GRM7: variants seen among roughly 807,000 people sequenced by gnomAD.
GRM7 encodes the protein metabotropic glutamate receptor 7.
GRM7 carries 35 observed loss-of-function variants against 84.5 expected under a neutral mutation model. The ratio of observed to expected loss-of-function variants is 0.41; its 90% CI spans 0.32 to 0.55. GRM7 has a LOEUF of 0.55. Among genes scored for constraint, GRM7 ranks in the 20% least tolerant of loss-of-function variants. GRM7 has a pLI of 0.19. For synonymous variants in GRM7, 487 were observed against 455.1 expected, an observed-to-expected ratio of 1.07 and a Z score of -0.89; for missense variants, 1,003 against 1,194.6, an observed-to-expected ratio of 0.84 and a Z score of 2.36.
chr3:6,972,354 G>C (rs1188675722), intron 1 of GRM7, among the ~76,000 whole-genome samples: 1 of 152,098 alleles, frequency 6.6e-6, no homozygotes, highest in Non-Finnish European at 1.5e-5. Flanking sequence ...AGAGAGTTCT[G>C]ATTGTCCGTG....
intron 9 of GRM7, chr3:7,694,525 C>T (rs79413220): frequency 0.019 from 3,875 of 207,114 alleles, 110 homozygotes; most frequent in East Asian, 0.09. Flanking sequence ...GAAATATCAA[C>T]ACATCTCCTG....
chr3:6,891,999 A>C (rs1189048399), intron 1 of GRM7, among the ~76,000 whole-genome samples: 1 of 151,978 alleles, frequency 6.6e-6, no homozygotes, highest in Non-Finnish European at 1.5e-5. Context: ...TCCATCACTG[A>C]TACCCTTTCT....
At chr3:6,996,567 C>T (rs1195109492) in intron 1 of GRM7, among the ~76,000 whole-genome samples, 7 of 152,144 alleles carry the variant, frequency 4.6e-5, no homozygotes, top group African/African-American at 1.2e-4. Flanking sequence ...TAAAAACATG[C>T]TTCTTTTGGG....
intron 1 of GRM7, among the ~76,000 whole-genome samples, chr3:7,129,913 A>G (rs565141469): frequency 1.3e-5 from 2 of 152,324 alleles, no homozygotes; most frequent in East Asian, 3.9e-4. Context: ...GAGTCTTTAA[A>G]ATTTTGAAAT....
Position 7,248,084 on chromosome 3 carries a change from C to G in GRM7, c.737-50600C>G, listed in dbSNP as rs372230094. On this transcript the variant is annotated intron_variant, in intron 2 of 9. Coordinates refer to ENST00000357716, the MANE Select transcript of GRM7 (RefSeq NM_000844.4). The stretch of plus-strand genomic sequence containing the variant: ...GATAGTTTTTTATAAAGTTAATCAC[C>G]TATCTGGTTGGTAACCCAGAAATTA... Among the ~76,000 whole-genome samples, 91 of 152,284 alleles carry G rather than the reference C, an allele frequency of 6.0e-4. 5 individuals are homozygous for G. The South Asian group carries it at 0.014, about 24-fold the overall frequency.
At chr3:7,153,133 A>ATTT (rs34465661) in intron 2 of GRM7, among the ~76,000 whole-genome samples, 1,084 of 103,316 alleles carry the variant, frequency 0.01, 28 homozygotes, top group African/African-American at 0.037. Flanking sequence ...GGTACTGTGG[A>ATTT]TTTTTTTTTT....
At chr3:7,708,301 A>C (rs938773199) in intron 9 of GRM7, among the ~76,000 whole-genome samples, 3 of 152,066 alleles carry the variant, frequency 2.0e-5, no homozygotes, top group African/African-American at 7.2e-5. Context: ...ATGTAAGGTT[A>C]ATATACAGAA....
intron 4 of GRM7, among the ~76,000 whole-genome samples, chr3:7,324,996 C>T (rs1187143799): frequency 1.3e-5 from 2 of 152,186 alleles, no homozygotes; most frequent in Non-Finnish European, 2.9e-5. Context: ...CTAGCACTTT[C>T]TCAGTTGGGC....
At chr3:7,390,705 G>T (rs1271182634) in intron 4 of GRM7, among the ~76,000 whole-genome samples, 8 of 151,956 alleles carry the variant, frequency 5.3e-5, no homozygotes, top group Non-Finnish European at 1.5e-5. Flanking sequence ...CAGAAGTTCT[G>T]TTTAGCTCTT....
intron 1 of GRM7, among the ~76,000 whole-genome samples, chr3:6,878,175 T>C (rs1158248961): frequency 1.3e-5 from 2 of 152,234 alleles, no homozygotes; most frequent in Non-Finnish European, 2.9e-5. Flanking sequence ...AATTTCTCTT[T>C]GTATTTACAT....
chr3:6,893,584 A>G (rs572613821), intron 1 of GRM7, among the ~76,000 whole-genome samples: 14 of 152,288 alleles, frequency 9.2e-5, no homozygotes, highest in Admixed American at 7.2e-4. Flanking sequence ...TAGGTGCTCA[A>G]TAAGATGGAG....
intron 4 of GRM7, among the ~76,000 whole-genome samples, chr3:7,382,049 T>TA (rs1269984317): frequency 2.6e-5 from 4 of 152,014 alleles, no homozygotes; most frequent in Non-Finnish European, 4.4e-5. Context: ...CTGTACCAGA[T>TA]AAAAAAAACC....
intron 7 of GRM7, among the ~76,000 whole-genome samples, chr3:7,560,745 C>T (rs1490332599): frequency 6.6e-6 from 1 of 152,146 alleles, no homozygotes; most frequent in Non-Finnish European, 1.5e-5. Flanking sequence ...CAGATCACAG[C>T]TTAAGAATCA....
At chr3:7,651,901 A>G (rs1559465488) in intron 8 of GRM7, among the ~76,000 whole-genome samples, 6 of 152,194 alleles carry the variant, frequency 3.9e-5, no homozygotes, top group Admixed American at 3.3e-4. Context: ...AGCTGCACAC[A>G]TACAGCTCAA....
At chr3:7,430,088 C>T (rs755112912) in intron 5 of GRM7, among the ~76,000 whole-genome samples, 15 of 152,010 alleles carry the variant, frequency 9.9e-5, no homozygotes, top group Non-Finnish European at 2.2e-4. Flanking sequence ...AATTCAAGGC[C>T]AGCATGGATA....
At chr3:7,429,259 C>T (rs1462193318) in intron 5 of GRM7, among the ~76,000 whole-genome samples, 3 of 151,976 alleles carry the variant, frequency 2.0e-5, no homozygotes, top group Admixed American at 6.6e-5. Context: ...ATGTAAAGTG[C>T]TTAGTCCAAT....
intron 2 of GRM7, among the ~76,000 whole-genome samples, chr3:7,222,240 G>A (rs1696830147): frequency 6.6e-6 from 1 of 152,122 alleles, no homozygotes; most frequent in Non-Finnish European, 1.5e-5. Flanking sequence ...TTCTCAAGAT[G>A]TCACCCCAAG....
At chr3:6,905,225 G>A (rs548702809) in intron 1 of GRM7, among the ~76,000 whole-genome samples, 15 of 152,158 alleles carry the variant, frequency 9.9e-5, no homozygotes, top group Non-Finnish European at 1.9e-4. Flanking sequence ...TTAGTGTTAC[G>A]TTGTCTCATC....
chr3:7,710,117 T>C (rs992921260), intron 9 of GRM7, among the ~76,000 whole-genome samples: 4 of 152,218 alleles, frequency 2.6e-5, no homozygotes, highest in East Asian at 1.9e-4. Context: ...ATATAAACAA[T>C]ACTATAAAAG....
Sources: allele counts gnomAD v4.1 joint callset (sites outside exome capture counted in the v4.1 genomes callset), GRCh38; gene constraint gnomAD v4.1.1; transcripts MANE v1.5; gene names NCBI Gene and HGNC (gene_info 2026-07-23, HGNC 2026-07-21).